RARB: variants seen among roughly 807,000 people sequenced by gnomAD.
The protein encoded by RARB is retinoic acid receptor beta, also known as HBV-activated protein.
In RARB, 17 loss-of-function variants were observed where a neutral mutation model predicts 51.9. That is an observed-to-expected ratio of 0.33 (90% CI 0.22 to 0.49). The LOEUF (loss-of-function observed/expected upper bound fraction) is 0.49, where lower values mean the gene tolerates loss of function less well. RARB is among the 20% of genes least tolerant of loss of function. The pLI is 0.99. For synonymous variants in RARB, 215 were observed against 195.4 expected, an observed-to-expected ratio of 1.10 and a Z score of -0.84; for missense variants, 369 against 550.8, an observed-to-expected ratio of 0.67 and a Z score of 3.30.
rs149379184 is a variant in RARB at position 24,883,658 on chromosome 3, G to A, written c.-380+24906G>A. 3.1e-3 allele frequency among the ~76,000 whole-genome samples: 477 copies of A among 152,144 alleles called. 1 individual carries two copies. The highest frequency in any genetic ancestry group is 5.8e-3 in the Non-Finnish European group (392 of 67,978). ...AGCAGCTGGGTGTTGTTAATGGTAAGCCTTTCATTCCTGTTAAATCAATTG... is the reference window on the plus strand; with the variant it reads ...AGCAGCTGGGTGTTGTTAATGGTAAACCTTTCATTCCTGTTAAATCAATTG... On this transcript the variant is annotated intron_variant, in intron 2 of 11. Coordinates refer to the RARB transcript ENST00000383772.
At chr3:24,906,666 A>C (rs1694870181) in intron 2 of RARB, among the ~76,000 whole-genome samples, 1 of 151,936 alleles carries the variant, frequency 6.6e-6, no homozygotes. Context: ...AACATGGTGA[A>C]ACCCTGTCTT....
At chr3:25,494,063 A>G (rs904504432) in intron 2 of RARB, among the ~76,000 whole-genome samples, 19 of 152,168 alleles carry the variant, frequency 1.2e-4, no homozygotes, top group Admixed American at 2.0e-4. Flanking sequence ...CCAGAGCTCA[A>G]TATCTACTTC....
chr3:25,528,422 G>C (rs777803768), intron 3 of RARB, among the ~76,000 whole-genome samples: 4 of 152,062 alleles, frequency 2.6e-5, no homozygotes, highest in Admixed American at 6.6e-5. Context: ...TGGGACAGGG[G>C]AAATTCCAGC....
At chr3:25,573,762 C>T (rs898736672) in intron 4 of RARB, among the ~76,000 whole-genome samples, 19 of 152,194 alleles carry the variant, frequency 1.2e-4, no homozygotes, top group Non-Finnish European at 1.3e-4. Flanking sequence ...GAGTGGCATC[C>T]CTGTCAGATG....
intron 3 of RARB, among the ~76,000 whole-genome samples, chr3:25,113,035 G>C (rs1240453167): frequency 6.6e-6 from 1 of 152,116 alleles, no homozygotes; most frequent in Non-Finnish European, 1.5e-5. Context: ...TTTTCCTGTA[G>C]TTTTGTTCTG....
chr3:25,416,854 C>T (rs2125504026), intron 5 of RARB, among the ~76,000 whole-genome samples: 1 of 152,320 alleles, frequency 6.6e-6, no homozygotes, highest in East Asian at 1.9e-4. Flanking sequence ...ATGTGTTTGG[C>T]ACTGTGGGTC....
intron 5 of RARB, among the ~76,000 whole-genome samples, chr3:25,402,554 A>C (rs1707292037): frequency 6.6e-6 from 1 of 152,242 alleles, no homozygotes; most frequent in Non-Finnish European, 1.5e-5. Flanking sequence ...AAGCAACCTA[A>C]GTTTCCATCA....
intron 5 of RARB, among the ~76,000 whole-genome samples, chr3:25,239,213 T>C (rs1466746636): frequency 6.6e-6 from 1 of 152,188 alleles, no homozygotes; most frequent in African/African-American, 2.4e-5. Flanking sequence ...TCCCTTGTCA[T>C]ATGAATAGTT....
At chr3:25,490,359 G>A (rs1012827206) in intron 2 of RARB, among the ~76,000 whole-genome samples, 8 of 152,220 alleles carry the variant, frequency 5.3e-5, no homozygotes, top group African/African-American at 1.9e-4. Context: ...ATTTGGGTCT[G>A]TGAGAGGCCT....
At position 24,876,267 on chromosome 3, in the gene RARB, T is replaced by C. The variant is rs1703041061; in HGVS notation, c.-380+17515T>C. Among the ~76,000 whole-genome samples the C allele has an allele frequency of 2.0e-5, 3 of 152,280 alleles. No homozygotes were observed. In the South Asian group the frequency reaches 6.2e-4, roughly 32 times the overall value. On this transcript the variant is annotated intron_variant, in intron 2 of 11. Coordinates refer to the RARB transcript ENST00000383772. ...AAATATCCTGAATCTCTTCGAACTTTGAACTGCTAATTTTAGTATCCATTG... is the reference window on the plus strand; with the variant it reads ...AAATATCCTGAATCTCTTCGAACTTCGAACTGCTAATTTTAGTATCCATTG...
At chr3:25,064,405 A>G (rs953962506) in intron 3 of RARB, among the ~76,000 whole-genome samples, 22 of 152,146 alleles carry the variant, frequency 1.4e-4, no homozygotes, top group Non-Finnish European at 2.8e-4. Context: ...GCCAATGTCC[A>G]TGACATCAGC....
At chr3:24,841,630 A>G (rs1702422807) in intron 1 of RARB, among the ~76,000 whole-genome samples, 1 of 152,234 alleles carries the variant, frequency 6.6e-6, no homozygotes, top group Non-Finnish European at 1.5e-5. Flanking sequence ...AACAGAAGGC[A>G]AATTCATTAC....
chr3:24,930,558 A>G (rs947419743), intron 2 of RARB, among the ~76,000 whole-genome samples: 1 of 152,098 alleles, frequency 6.6e-6, no homozygotes. Context: ...TTTATCCCCA[A>G]TGCCTGGCAC....
chr3:25,328,581 A>G (rs1208148430), intron 5 of RARB, among the ~76,000 whole-genome samples: 1 of 152,202 alleles, frequency 6.6e-6, no homozygotes, highest in East Asian at 1.9e-4. Flanking sequence ...CCGAATAGGA[A>G]GAGCTCCAGT....
intron 5 of RARB, among the ~76,000 whole-genome samples, chr3:25,416,232 A>G (rs926273275): frequency 1.3e-5 from 2 of 152,196 alleles, no homozygotes; most frequent in Non-Finnish European, 2.9e-5. Context: ...AAATGAAAAT[A>G]AAAACAATTA....
At chr3:25,515,312 C>G (rs1445218736) in intron 3 of RARB, among the ~76,000 whole-genome samples, 2 of 152,188 alleles carry the variant, frequency 1.3e-5, no homozygotes, top group African/African-American at 4.8e-5. Context: ...CTGGAACTCT[C>G]ATGTGTGGCT....
intron 1 of RARB, among the ~76,000 whole-genome samples, chr3:24,857,046 G>T (rs2125339293): frequency 6.6e-6 from 1 of 152,130 alleles, no homozygotes; most frequent in Middle Eastern, 3.4e-3. Context: ...GACTGGAGCT[G>T]GAAGCACCAA....
rs536396751 is a variant in RARB, at chr3:25,418,547, C to A, written c.179-42646C>A. 4.6e-5 allele frequency among the ~76,000 whole-genome samples: 7 copies of A among 152,186 alleles called. No individual in the cohort carries two copies. In the East Asian group the frequency reaches 1.4e-3, roughly 29 times the overall value. The stretch of plus-strand genomic sequence containing the variant: ...CCAAGACTTGAATCCAGGGCTTCTT[C>A]ACTCCAGTCTCAGAGGTCTACCATT... On this transcript the variant is annotated intron_variant, in intron 5 of 11. Coordinates refer to the RARB transcript ENST00000383772.
At chr3:25,230,902 C>T (rs1364580246) in intron 5 of RARB, among the ~76,000 whole-genome samples, 1 of 152,070 alleles carries the variant, frequency 6.6e-6, no homozygotes, top group East Asian at 1.9e-4. Flanking sequence ...ACAGGACTAC[C>T]ATATTAGACA....
Sources: gnomAD v4.1 joint callset for allele counts (sites outside exome capture counted in the v4.1 genomes callset) on GRCh38, gnomAD v4.1.1 for gene constraint, MANE v1.5 for transcripts, NCBI Gene and HGNC (gene_info 2026-07-23, HGNC 2026-07-21) for gene names.